WWC2: variants seen among roughly 807,000 people sequenced by gnomAD.
The protein encoded by WWC2 is protein WWC2.
WWC2 carries 101 observed loss-of-function variants against 138.5 expected under a neutral mutation model. The ratio of observed to expected loss-of-function variants is 0.73; its 90% CI spans 0.62 to 0.86. The LOEUF (loss-of-function observed/expected upper bound fraction) is 0.86, where lower values mean the gene tolerates loss of function less well. WWC2 is among the 40% of genes least tolerant of loss of function. The pLI is 0.00. For synonymous variants in WWC2, 558 were observed against 538.4 expected (o/e 1.04, Z -0.50); for missense variants, 1,420 against 1,419.4 (o/e 1.00, Z -0.01).
At chr4:183,269,510 A>G (rs1737630132) in intron 15 of WWC2, 1 of 492,678 alleles carries the variant, frequency 2.0e-6, no homozygotes, top group Non-Finnish European at 4.1e-6. Flanking sequence ...CTGTGTATAT[A>G]TTATCTCATT....
At chr4:183,223,234 A>G (rs1004932387) in intron 4 of WWC2, among the ~76,000 whole-genome samples, 1 of 152,242 alleles carries the variant, frequency 6.6e-6, no homozygotes, top group African/African-American at 2.4e-5. Context: ...AGGCTATGCT[A>G]TCTGGTTCTG....
At chr4:183,216,589 C>T (rs752165400) in intron 4 of WWC2, among the ~76,000 whole-genome samples, 3 of 152,168 alleles carry the variant, frequency 2.0e-5, no homozygotes, top group Non-Finnish European at 4.4e-5. Flanking sequence ...TTTCAGACTT[C>T]AGGTAACAGT....
intron 16 of WWC2, among the ~76,000 whole-genome samples, chr4:183,272,077 C>A (rs1433411415): frequency 1.3e-5 from 2 of 152,044 alleles, no homozygotes; most frequent in African/African-American, 4.8e-5. Flanking sequence ...TACAAAGGGG[C>A]CTTTTGTGAG....
chr4:183,166,514 A>G (rs1188400546), intron 1 of WWC2, among the ~76,000 whole-genome samples: 1 of 152,138 alleles, frequency 6.6e-6, no homozygotes, highest in Non-Finnish European at 1.5e-5. Context: ...TTTTGCCTAT[A>G]AAGGAGTTGG....
At chr4:183,150,844 C>T (rs984566298) in intron 1 of WWC2, among the ~76,000 whole-genome samples, 4 of 152,110 alleles carry the variant, frequency 2.6e-5, no homozygotes, top group Non-Finnish European at 5.9e-5. Context: ...CAGCTTCATC[C>T]GTGTCGCTAC....
chr4:183,227,130 T>G (rs1736097560), intron 4 of WWC2, among the ~76,000 whole-genome samples: 1 of 141,552 alleles, frequency 7.1e-6, no homozygotes, highest in South Asian at 2.4e-4. Context: ...CCACCACCAC[T>G]ACTTGTTGAA....
intron 4 of WWC2, among the ~76,000 whole-genome samples, chr4:183,222,636 A>G (rs1735964529): frequency 6.6e-6 from 1 of 152,122 alleles, no homozygotes; most frequent in African/African-American, 2.4e-5. Context: ...TCAGAATATC[A>G]TCTGGACATG....
intron 1 of WWC2, among the ~76,000 whole-genome samples, chr4:183,134,193 A>G (rs926521321): frequency 2.6e-5 from 4 of 151,682 alleles, no homozygotes; most frequent in Non-Finnish European, 5.9e-5. Context: ...TGTTAGTTTT[A>G]TTATTCTTTC....
chr4:183,228,320 CAT>C (rs1560854248), intron 4 of WWC2, among the ~76,000 whole-genome samples: 1 of 152,000 alleles, frequency 6.6e-6, no homozygotes, highest in Non-Finnish European at 1.5e-5. Context: ...AATCCACAAT[CAT>C]AGTGAGAGAT....
In WWC2 at chr4:183,180,840, C is replaced by A. The variant is rs527736954; in HGVS notation, c.132-12759C>A. Among the ~76,000 whole-genome samples, 12 of 151,852 alleles carry A rather than the reference C, an allele frequency of 7.9e-5. No individual in the cohort carries two copies. The South Asian group carries it at 1.9e-3, about 24-fold the overall frequency. Reference sequence around the variant, plus strand: ...GCCTGGGGCGGGGGCGGGGAGATTTCCCACAATTTGAAAAAACTTACGTGA... The same window carrying A: ...GCCTGGGGCGGGGGCGGGGAGATTTACCACAATTTGAAAAAACTTACGTGA... On this transcript the variant is annotated intron_variant, in intron 1 of 22. Coordinates refer to ENST00000403733, the MANE Select transcript of WWC2 (RefSeq NM_024949.6).
At chr4:183,276,718 G>T (rs1737867902) in intron 16 of WWC2, among the ~76,000 whole-genome samples, 1 of 151,660 alleles carries the variant, frequency 6.6e-6, no homozygotes, top group African/African-American at 2.4e-5. Flanking sequence ...CTGCATTATT[G>T]TGCTTCCATT....
intron 6 of WWC2, 82 bp downstream of exon 6, chr4:183,245,627 TCA>T: frequency 7.1e-7 from 1 of 1,416,008 alleles, no homozygotes; most frequent in Non-Finnish European, 9.3e-7. Context: ...AAGTGCTCCC[TCA>T]GAGTCTGGAT....
Position 183,164,362 on chromosome 4 carries a change from A to T in WWC2, c.132-29237A>T, listed in dbSNP as rs1253495536. Among the ~76,000 whole-genome samples, 5 of 568 alleles carry T rather than the reference A, an allele frequency of 8.8e-3. 1 individual carries two copies. Among genetic ancestry groups the T allele is most frequent in the African/African-American group, 0.035 (5 of 144 alleles). 0.4% of individuals were successfully genotyped at this position (568 alleles called of 152,430 possible). A position where few individuals can be genotyped will look rare whatever the true frequency, so the allele number is the denominator to read the frequency against. On this transcript the variant is annotated intron_variant, in intron 1 of 22. Transcript: ENST00000403733. ...ACATATATATATTATATATACATAT[A>T]TATATTATATATACATATATATATT...
At chr4:183,252,275 C>T (rs1303255706) in intron 8 of WWC2, among the ~76,000 whole-genome samples, 1 of 152,202 alleles carries the variant, frequency 6.6e-6, no homozygotes, top group East Asian at 1.9e-4. Flanking sequence ...CCAAAGTAAT[C>T]ATCCAACGTT....
At chr4:183,265,273 A>G (rs1008955605) in intron 12 of WWC2, among the ~76,000 whole-genome samples, 166 bp downstream of exon 12, 3 of 152,246 alleles carry the variant, frequency 2.0e-5, no homozygotes, top group Admixed American at 1.3e-4. Flanking sequence ...ATCAAAAATG[A>G]CTTAGCCATG....
chr4:183,253,504 G>T (rs910238964), intron 8 of WWC2, among the ~76,000 whole-genome samples: 1 of 151,512 alleles, frequency 6.6e-6, no homozygotes, highest in African/African-American at 2.4e-5. Flanking sequence ...TCAGGTAGCT[G>T]GGTATGCTCA....
chr4:183,311,019 G>C (rs947531071), intron 21 of WWC2, among the ~76,000 whole-genome samples: 3 of 152,046 alleles, frequency 2.0e-5, no homozygotes, highest in African/African-American at 4.8e-5. Flanking sequence ...CAAGCAACTT[G>C]CCCAGATTTA....
At chr4:183,103,966 T>G (rs1189632805) in intron 1 of WWC2, among the ~76,000 whole-genome samples, 1 of 151,628 alleles carries the variant, frequency 6.6e-6, no homozygotes, top group Non-Finnish European at 1.5e-5. Context: ...TCTAAGTAAT[T>G]TCTTTTTTTT....
At chr4:183,216,900 G>A (rs1445808396) in intron 4 of WWC2, among the ~76,000 whole-genome samples, 5 of 152,186 alleles carry the variant, frequency 3.3e-5, no homozygotes, top group Non-Finnish European at 7.3e-5. Flanking sequence ...AATACCATGA[G>A]GCTGGAGAAA....
Sources: gnomAD v4.1 joint callset for allele counts (sites outside exome capture counted in the v4.1 genomes callset) on GRCh38, gnomAD v4.1.1 for gene constraint, MANE v1.5 for transcripts, NCBI Gene and HGNC (gene_info 2026-07-23, HGNC 2026-07-21) for gene names.